LRP1B: variants seen among roughly 807,000 people sequenced by gnomAD.
LRP1B encodes low-density lipoprotein receptor-related protein 1B.
In LRP1B, 217 loss-of-function variants were observed where a neutral mutation model predicts 556.6. That is an observed-to-expected ratio of 0.39 (90% CI 0.35 to 0.44). LRP1B has a LOEUF of 0.44. Among genes scored for constraint, LRP1B ranks in the 20% least tolerant of loss-of-function variants. The pLI, the probability that LRP1B is intolerant of heterozygous loss-of-function variation, is 1.00. For missense variants in LRP1B, 5,053 were observed against 5,620.8 expected (o/e 0.90, Z 3.23); for synonymous variants, 2,047 against 1,865.8 (o/e 1.10, Z -2.50).
At chr2:142,113,551 C>T (rs1304594126) in intron 1 of LRP1B, among the ~76,000 whole-genome samples, 3 of 150,746 alleles carry the variant, frequency 2.0e-5, no homozygotes, top group Non-Finnish European at 4.4e-5. Flanking sequence ...AACAAGGTCT[C>T]ATCAGCCACC....
chr2:140,914,850 G>A (rs569671769), intron 21 of LRP1B, among the ~76,000 whole-genome samples: 31 of 152,258 alleles, frequency 2.0e-4, no homozygotes, highest in African/African-American at 6.5e-4. Flanking sequence ...GAAAGAAGCC[G>A]AGGTGCAGTA....
intron 7 of LRP1B, among the ~76,000 whole-genome samples, chr2:141,100,292 T>C (rs1415507314): frequency 6.6e-6 from 1 of 152,192 alleles, no homozygotes; most frequent in Non-Finnish European, 1.5e-5. Flanking sequence ...GGTAACAGAA[T>C]GTTGAATGGA....
chr2:141,557,228 GAC>G (rs1685990522), intron 2 of LRP1B, among the ~76,000 whole-genome samples: 1 of 151,688 alleles, frequency 6.6e-6, no homozygotes, highest in Non-Finnish European at 1.5e-5. Context: ...CTACCACAAA[GAC>G]ACACAGGAAA....
intron 7 of LRP1B, among the ~76,000 whole-genome samples, chr2:141,096,115 C>A (rs561966872): frequency 6.6e-6 from 1 of 151,830 alleles, no homozygotes; most frequent in African/African-American, 2.4e-5. Context: ...GGATCTTGAA[C>A]GCTAAATATT....
In LRP1B at chr2:140,812,019, C is replaced by A. The variant is rs145049977; in HGVS notation, c.5359+1638G>T. On this transcript the variant is annotated intron_variant, in intron 32 of 90. Transcript: ENST00000389484. Reference sequence around the variant, plus strand: ...CTGAAGAAAAACTATTTAAAAAAACCTGATTCTAAGAAATAATTTAGAAAA... The same window carrying A: ...CTGAAGAAAAACTATTTAAAAAAACATGATTCTAAGAAATAATTTAGAAAA... Among the ~76,000 whole-genome samples the A allele has an allele frequency of 4.3e-3, 651 of 151,992 alleles. 8 individuals carry two copies. The highest frequency in any genetic ancestry group is 0.014 in the African/African-American group (592 of 41,490).
At chr2:140,769,885 A>G (rs2104936492) in intron 34 of LRP1B, among the ~76,000 whole-genome samples, 1 of 152,142 alleles carries the variant, frequency 6.6e-6, no homozygotes, top group South Asian at 2.1e-4. Context: ...TACTAAGAAT[A>G]CATCAATAGC....
chr2:140,432,808 G>A lies in LRP1B; in HGVS notation c.10414+9696C>T, dbSNP rs529570019. On this transcript the variant is annotated intron_variant, in intron 66 of 90. Coordinates refer to ENST00000389484, the MANE Select transcript of LRP1B (RefSeq NM_018557.3). ...GATATAATGGCTGACAGACATACCT[G>A]TGTGATCCTTATATAGCAAAACTGT... 1.2e-3 allele frequency among the ~76,000 whole-genome samples: 180 copies of A among 152,270 alleles called. 1 individual carries two copies. Among genetic ancestry groups the A allele is most frequent in the Non-Finnish European group, 2.3e-3 (155 of 68,020 alleles).
intron 1 of LRP1B, among the ~76,000 whole-genome samples, chr2:141,982,780 A>C (rs1354696557): frequency 6.6e-6 from 1 of 152,326 alleles, no homozygotes; most frequent in East Asian, 1.9e-4. Context: ...AGTCATTTCT[A>C]TGTATAAGAC....
intron 2 of LRP1B, among the ~76,000 whole-genome samples, chr2:141,700,549 G>T (rs985692218): frequency 6.6e-6 from 1 of 151,720 alleles, no homozygotes; most frequent in Non-Finnish European, 1.5e-5. Context: ...CTGGGCCTCA[G>T]AAAACAATAG....
intron 18 of LRP1B, among the ~76,000 whole-genome samples, chr2:140,971,507 T>G (rs150589229): frequency 1.3e-5 from 2 of 152,140 alleles, no homozygotes; most frequent in African/African-American, 2.4e-5. Context: ...GTAGAAAATG[T>G]TAAAACCACA....
chr2:140,381,253 G>C (rs1247502405), intron 67 of LRP1B, among the ~76,000 whole-genome samples: 2 of 152,024 alleles, frequency 1.3e-5, no homozygotes, highest in Non-Finnish European at 2.9e-5. Context: ...CCAATTTTCA[G>C]ACTTTATCAT....
chr2:140,375,116 A>G (rs980127824), intron 68 of LRP1B, among the ~76,000 whole-genome samples: 3 of 151,680 alleles, frequency 2.0e-5, no homozygotes, highest in African/African-American at 7.3e-5. Flanking sequence ...AAAGTGATTA[A>G]TGAGCTTTTG....
At chr2:140,254,622 C>T (rs963496724) in intron 86 of LRP1B, among the ~76,000 whole-genome samples, 7 of 151,954 alleles carry the variant, frequency 4.6e-5, no homozygotes, top group African/African-American at 7.3e-5. Flanking sequence ...GGTATGATCT[C>T]GGCTCACTGC....
At chr2:140,601,731 C>T in intron 41 of LRP1B, 92 bp from the exon 42 acceptor site, 1 of 697,948 alleles carries the variant, frequency 1.4e-6, no homozygotes, top group East Asian at 3.0e-5. Flanking sequence ...ACATGTATAC[C>T]TGTTATTTCA....
chr2:141,062,096 C>T lies in LRP1B; in HGVS notation c.1191G>A (p.Val397=), dbSNP rs766259139. The T allele has an allele frequency of 2.5e-6, 4 of 1,611,570 alleles. No individual in the cohort carries two copies. The highest frequency in any genetic ancestry group is 3.3e-4 in the Middle Eastern group (2 of 6,068). ...VDLYLDYVGV[V]DYQGKNRHTV... Reference sequence around the variant, plus strand: ...TGTGTCTATTTTTTCCTTGATAGTCCACTACTCCCACATAGTCCAAGTAAA... The same window carrying T: ...TGTGTCTATTTTTTCCTTGATAGTCTACTACTCCCACATAGTCCAAGTAAA... The change falls in exon 8 of 91, where the codon GTG becomes GTA. Residue 397 remains valine, a synonymous_variant. Transcript: ENST00000389484.
rs759584365 is a variant in LRP1B, at chr2:142,130,806, G to GC, written c.-78_-77insG. 1.6e-5 allele frequency: 19 copies of GC among 1,166,924 alleles called. No homozygotes were observed. Among genetic ancestry groups the GC allele is most frequent in the South Asian group, 7.7e-5 (6 of 77,586 alleles). 72.3% of individuals were successfully genotyped at this position (1,166,924 alleles called of 1,614,324 possible). A position where few individuals can be genotyped will look rare whatever the true frequency, so the allele number is the denominator to read the frequency against. ...CGGCCCGGCGGCGGCGGCGGCGGCA[G>GC]GGGCCGCTTGGAGCCTGGAATCGAG... On this transcript the variant is annotated 5_prime_UTR_variant, in exon 1 of 91. Coordinates refer to ENST00000389484, the MANE Select transcript of LRP1B (RefSeq NM_018557.3).
chr2:140,385,936 A>G lies in LRP1B; in HGVS notation c.10488T>C (p.Asp3496=), dbSNP rs762557400. 15 of 1,613,680 alleles carry G rather than the reference A, an allele frequency of 9.3e-6. No individual in the cohort carries two copies. The highest frequency in any genetic ancestry group is 1.2e-5 in the Non-Finnish European group (14 of 1,179,650). Residue 3496 remains aspartate, a synonymous_variant, in exon 67 of 91, where the codon GAT becomes GAC. Coordinates refer to ENST00000389484, the MANE Select transcript of LRP1B (RefSeq NM_018557.3). ...AATTATCACTGCAGTCATTTTGGCT[A>G]TCACACCGCCAGTGATCGGGAATAC... ...NNCIPDHWRC[D]SQNDCSDNSD...
In LRP1B at chr2:141,936,951, T is replaced by C. The variant is rs1270568017; in HGVS notation, c.83-126550A>G. On this transcript the variant is annotated intron_variant, in intron 1 of 90. Coordinates refer to ENST00000389484, the MANE Select transcript of LRP1B (RefSeq NM_018557.3). ...CCACCATAGTATTTAACTAAAGTCA[T>C]AACAACAGTATGTAAGATGGGTCTT... Among the ~76,000 whole-genome samples the C allele has an allele frequency of 2.0e-5, 3 of 151,920 alleles. No individual in the cohort carries two copies. In the East Asian group the frequency reaches 5.8e-4, roughly 29 times the overall value.
At chr2:141,312,803 C>T (rs1686864334) in intron 3 of LRP1B, among the ~76,000 whole-genome samples, 1 of 151,982 alleles carries the variant, frequency 6.6e-6, no homozygotes, top group South Asian at 2.1e-4. Flanking sequence ...ATTCTCTTGC[C>T]TCAGCCTCCT....
Sources: gnomAD v4.1 joint callset for allele counts (sites outside exome capture counted in the v4.1 genomes callset) on GRCh38, gnomAD v4.1.1 for gene constraint, MANE v1.5 for transcripts, NCBI Gene and HGNC (gene_info 2026-07-23, HGNC 2026-07-21) for gene names.